RFPL1: variants seen among roughly 807,000 people sequenced by gnomAD.
RFPL1 encodes ret finger protein like 1, also known as ret finger protein-like 1.
A neutral mutation model predicts 9.6 loss-of-function variants in RFPL1; 6 were observed. The ratio of observed to expected loss-of-function variants is 0.62; its 90% CI spans 0.34 to 1.23. RFPL1 has a LOEUF of 1.23. Among genes scored for constraint, RFPL1 ranks in the 50% most tolerant of loss-of-function variants. The probability of loss-of-function intolerance (pLI) is 0.03; values close to 1 mark genes in which losing one functional copy is unlikely to be tolerated. For missense variants in RFPL1, 352 were observed against 398.4 expected (o/e 0.88, Z 0.99); for synonymous variants, 145 against 149.4 (o/e 0.97, Z 0.22).
chr22:29,437,664 C>T (rs1416343427), upstream of RFPL1: 64 of 1,591,808 alleles, frequency 4.0e-5, no homozygotes, highest in East Asian at 6.8e-5. Flanking sequence ...CTCATGTGCC[C>T]CTTCCGCACA....
chr22:29,432,468 T>G, the RFPL1 span, among the ~76,000 whole-genome samples: 6 of 152,196 alleles, frequency 3.9e-5, no homozygotes, highest in South Asian at 2.1e-4. Flanking sequence ...CCCCTCCCCT[T>G]TCTAAACCAA....
chr22:29,399,494 G>C, the RFPL1 span, among the ~76,000 whole-genome samples: 1 of 152,164 alleles, frequency 6.6e-6, no homozygotes, highest in Non-Finnish European at 1.5e-5. Flanking sequence ...TATTATTATT[G>C]ACATAGAATG....
the RFPL1 span, chr22:29,388,564 G>A: frequency 2.0e-5 from 3 of 152,308 alleles, no homozygotes; most frequent in Non-Finnish European, 2.9e-5. Context: ...CCGGGCGGAA[G>A]TGAGCTGCCC....
At chr22:29,425,218 A>G in the RFPL1 span, among the ~76,000 whole-genome samples, 2 of 151,720 alleles carry the variant, frequency 1.3e-5, no homozygotes, top group African/African-American at 4.8e-5. Flanking sequence ...AAAAAAAAAA[A>G]AAAGAAAACC....
chr22:29,412,617 G>T, the RFPL1 span, among the ~76,000 whole-genome samples: 2 of 152,172 alleles, frequency 1.3e-5, no homozygotes, highest in African/African-American at 4.8e-5. Flanking sequence ...GGCAGTGACT[G>T]TCTCTTCCTC....
At chr22:29,418,641 A>C in the RFPL1 span, among the ~76,000 whole-genome samples, 1 of 151,768 alleles carries the variant, frequency 6.6e-6, no homozygotes, top group South Asian at 2.1e-4. Flanking sequence ...CTGAGATTAC[A>C]GGCATGTGCC....
chr22:29,423,019 T>C, the RFPL1 span: 1 of 842,100 alleles, frequency 1.2e-6, no homozygotes, highest in Non-Finnish European at 2.0e-6. Context: ...CTGCCACATG[T>C]TTCCAGGCCT....
the RFPL1 span, among the ~76,000 whole-genome samples, chr22:29,393,417 A>T: frequency 3.9e-5 from 6 of 152,200 alleles, no homozygotes; most frequent in Admixed American, 2.6e-4. Flanking sequence ...TTCAAAGTAA[A>T]AGGCTGGATA....
chr22:29,426,701 T>TCGTG, the RFPL1 span, among the ~76,000 whole-genome samples: 1 of 152,086 alleles, frequency 6.6e-6, no homozygotes, highest in Non-Finnish European at 1.5e-5. Flanking sequence ...TGAGCAGAGA[T>TCGTG]CGTGCCATTG....
At chr22:29,427,786 C>T in the RFPL1 span, among the ~76,000 whole-genome samples, 1 of 152,136 alleles carries the variant, frequency 6.6e-6, no homozygotes, top group South Asian at 2.1e-4. Flanking sequence ...GCCATGTTGG[C>T]CTCTGATGAA....
At chr22:29,402,781 T>A in the RFPL1 span, among the ~76,000 whole-genome samples, 276 of 144,564 alleles carry the variant, frequency 1.9e-3, 3 homozygotes, top group Admixed American at 4.9e-3. Flanking sequence ...TTGCCCGGGG[T>A]GACTTCCAAT....
At chr22:29,410,832 A>C in the RFPL1 span, among the ~76,000 whole-genome samples, 319 of 151,586 alleles carry the variant, frequency 2.1e-3, 2 homozygotes, top group Non-Finnish European at 3.5e-3. Flanking sequence ...TCATTTTATG[A>C]ATGCATATTT....
the RFPL1 span, among the ~76,000 whole-genome samples, chr22:29,425,152 C>T: frequency 0.1 from 14,644 of 146,950 alleles, 1,599 homozygotes; most frequent in East Asian, 0.38. Flanking sequence ...TGCAGTGAGC[C>T]GAGATTGCGC....
the RFPL1 span, among the ~76,000 whole-genome samples, chr22:29,390,835 T>C: frequency 6.6e-6 from 1 of 151,250 alleles, no homozygotes; most frequent in African/African-American, 2.4e-5. Context: ...CCTGACCTTG[T>C]GATCCGCCCG....
At chr22:29,397,730 G>A in the RFPL1 span, among the ~76,000 whole-genome samples, 6 of 152,166 alleles carry the variant, frequency 3.9e-5, no homozygotes, top group Non-Finnish European at 7.4e-5. Flanking sequence ...CCCAGGAGTG[G>A]GGTTTGGGTC....
chr22:29,420,167 G>A, the RFPL1 span, among the ~76,000 whole-genome samples: 1 of 152,318 alleles, frequency 6.6e-6, no homozygotes, highest in South Asian at 2.1e-4. Context: ...CTCTGAAAAT[G>A]GGAATTCAGC....
chr22:29,400,374 A>T, the RFPL1 span, among the ~76,000 whole-genome samples: 2,016 of 152,300 alleles, frequency 0.013, 44 homozygotes, highest in African/African-American at 0.045. Flanking sequence ...AAGTCTATTC[A>T]GAGAGCTGGT....
intron 1 of RFPL1, chr22:29,441,023 CG>C (rs2062836162): frequency 6.4e-6 from 1 of 155,378 alleles, no homozygotes; most frequent in Admixed American, 6.3e-5. Flanking sequence ...TGTCCAGGAC[CG>C]GCACCTCTGT....
the RFPL1 span, among the ~76,000 whole-genome samples, chr22:29,425,860 C>T: frequency 0.18 from 27,190 of 149,126 alleles, 2,672 homozygotes; most frequent in African/African-American, 0.25. Context: ...GCCACTGCAC[C>T]CCATCCTGGG....
Sources: allele counts gnomAD v4.1 joint callset (sites outside exome capture counted in the v4.1 genomes callset), GRCh38; gene constraint gnomAD v4.1.1; transcripts MANE v1.5; gene names NCBI Gene and HGNC (gene_info 2026-07-23, HGNC 2026-07-21).